Variants in CCL5 observed in about 807,000 individuals in gnomAD.
CCL5 encodes the protein C-C motif chemokine ligand 5.
A neutral mutation model predicts 9.0 loss-of-function variants in CCL5; 5 were observed. The ratio of observed to expected loss-of-function variants is 0.55; its 90% CI spans 0.29 to 1.16. The LOEUF is 1.16. Among genes scored for constraint, CCL5 ranks in the 50% most tolerant of loss-of-function variants. CCL5 has a pLI of 0.08. For synonymous variants in CCL5, 66 were observed against 72.0 expected (o/e 0.92, Z 0.42); for missense variants, 183 against 183.2 (o/e 1.00, Z 0.01).
chr17:35,872,612 G>T, intron 3 of CCL5, 148 bp from the exon 3 acceptor site: 1 of 663,388 alleles, frequency 1.5e-6, no homozygotes, highest in South Asian at 1.9e-5. Flanking sequence ...TTTATTTGTG[G>T]CTTTTAAGGA....
At chr17:35,872,834 T>C (rs902709217) in intron 3 of CCL5, among the ~76,000 whole-genome samples, 3 of 152,132 alleles carry the variant, frequency 2.0e-5, no homozygotes, top group African/African-American at 7.2e-5. Context: ...GCAGAGAGAA[T>C]AAGGTGTCCC....
chr17:35,875,872 G>GT (rs1568349114), intron 2 of CCL5, among the ~76,000 whole-genome samples: 1 of 152,012 alleles, frequency 6.6e-6, no homozygotes, highest in Non-Finnish European at 1.5e-5. Context: ...TCTTCTTTGC[G>GT]TTTTTTCCTA....
At chr17:35,878,689 C>T (rs777290731) in intron 1 of CCL5, 50 bp from the exon 2 acceptor site, 3 of 1,047,106 alleles carry the variant, frequency 2.9e-6, no homozygotes, top group Non-Finnish European at 4.4e-6. Context: ...TGCTACTGCA[C>T]ACTTGACATT....
chr17:35,880,292 G>A lies in CCL5; in HGVS notation c.14C>T (p.Ala5Val), dbSNP rs571565063. ...AATGAGGATGACAGCGAGGGCTGCCGCGGAGACCTTCATGGTACCTGTGGG... is the reference window on the plus strand; with the variant it reads ...AATGAGGATGACAGCGAGGGCTGCCACGGAGACCTTCATGGTACCTGTGGG... Residue 5 changes from alanine to valine, a missense_variant, in exon 1 of 4, where the codon GCG becomes GTG. Transcript: ENST00000651122. 28 of 1,612,550 alleles carry A rather than the reference G, an allele frequency of 1.7e-5. No homozygotes were observed. The highest frequency in any genetic ancestry group is 1.6e-4 in the Middle Eastern group (1 of 6,062).
intron 1 of CCL5, 131 bp downstream of exon 1, chr17:35,880,099 A>G (rs2088496291): frequency 1.7e-5 from 12 of 727,082 alleles, no homozygotes; most frequent in Non-Finnish European, 2.8e-5. Context: ...AAGAATGTAA[A>G]TAATGGGGTT....
chr17:35,875,262 G>C (rs1007873275), intron 3 of CCL5, among the ~76,000 whole-genome samples: 3 of 151,894 alleles, frequency 2.0e-5, no homozygotes, highest in Admixed American at 6.6e-5. Flanking sequence ...TTTAATTGTG[G>C]TAAAATATTC....
At chr17:35,875,453 ACCCC>A (rs2088430252) in intron 3 of CCL5, 4 of 317,094 alleles carry the variant, frequency 1.3e-5, no homozygotes, top group Admixed American at 1.3e-4. Context: ...TTTTTCTCCC[ACCCC>A]GGTGTGCAGA....
intron 2 of CCL5, among the ~76,000 whole-genome samples, chr17:35,877,169 C>A (rs912193761): frequency 6.6e-6 from 1 of 152,178 alleles, no homozygotes; most frequent in Non-Finnish European, 1.5e-5. Context: ...CAAAGTCTGT[C>A]TTTGAGTACC....
chr17:35,874,785 G>A (rs2088419946), intron 3 of CCL5, among the ~76,000 whole-genome samples: 1 of 151,982 alleles, frequency 6.6e-6, no homozygotes, highest in African/African-American at 2.4e-5. Context: ...TAATGTTTTT[G>A]TATTTTTAGT....
Position 35,878,515 on chromosome 17 carries a change from G to C in CCL5, c.188+13C>G, listed in dbSNP as rs772844224. 22 of 1,586,624 alleles carry C rather than the reference G, an allele frequency of 1.4e-5. No homozygotes were observed. The highest frequency in any genetic ancestry group is 1.9e-5 in the Non-Finnish European group (22 of 1,155,370). On this transcript the variant is annotated intron_variant, in intron 2 of 3. Coordinates refer to ENST00000651122, the MANE Select transcript of CCL5 (RefSeq NM_001278736.2). ...AACAGGCTCTGGGAGGGCTCCATGG[G>C]GCTGAGACTCACACGACTGCTGGGT...
chr17:35,872,559 T>C (rs1015132261), intron 3 of CCL5, 95 bp from the exon 3 acceptor site: 4 of 998,390 alleles, frequency 4.0e-6, no homozygotes, highest in Non-Finnish European at 6.4e-6. Context: ...AAAGGGAAAT[T>C]ATGATGATAT....
chr17:35,874,767 C>A (rs9912552), intron 3 of CCL5, among the ~76,000 whole-genome samples: 19,705 of 152,036 alleles, frequency 0.13, 1,425 homozygotes, highest in East Asian at 0.22. Context: ...TGCGCCACCA[C>A]GCCCAGCTAA....
chr17:35,875,990 A>G lies in CCL5; in HGVS notation c.189-348T>C, dbSNP rs41471045. On this transcript the variant is annotated intron_variant, in intron 2 of 3. Coordinates refer to ENST00000651122, the MANE Select transcript of CCL5 (RefSeq NM_001278736.2). ...ATTCATTCCTTAAGTTTCACCTGTT[A>G]TTTTTGTGTACGCAATAATGCATTT... is the stretch of plus-strand genomic sequence containing the variant. 2.0e-3 allele frequency among the ~76,000 whole-genome samples: 312 copies of G among 152,296 alleles called. 3 individuals carry two copies. The highest frequency in any genetic ancestry group is 2.9e-3 in the Non-Finnish European group (199 of 68,028).
Position 35,872,337 on chromosome 17 carries a change from A to G in CCL5, c.398T>C (p.Leu133Pro). ...AGCTAGGACAAGAGCAAGCAGAAAC[A>G]GGCAAATTTGTGTAAGTTCAGGTTC... The change falls in exon 4 of 4, where the codon CTG (leucine) becomes CCG (proline). Residue 133 changes from leucine to proline, a missense_variant. Physicochemically the swap from Leu to Pro is moderately conservative, Grantham distance 98. Coordinates refer to ENST00000651122, the MANE Select transcript of CCL5 (RefSeq NM_001278736.2). 1 of 1,611,032 alleles carries G rather than the reference A, an allele frequency of 6.2e-7. No homozygotes were observed.
At chr17:35,873,070 A>C (rs1410905480) in intron 3 of CCL5, among the ~76,000 whole-genome samples, 2 of 151,246 alleles carry the variant, frequency 1.3e-5, no homozygotes, top group Non-Finnish European at 2.9e-5. Context: ...TTGTATTTTT[A>C]GTAAAGATGG....
chr17:35,876,109 G>A (rs1480963719), intron 2 of CCL5, among the ~76,000 whole-genome samples: 1 of 152,124 alleles, frequency 6.6e-6, no homozygotes, highest in Non-Finnish European at 1.5e-5. Flanking sequence ...CCCAGTGGGG[G>A]AAGTACTTCT....
chr17:35,877,431 G>A lies in CCL5; in HGVS notation c.188+1097C>T, dbSNP rs28914804. ...CTCTTATATAAGAAACTTCAGAATT[G>A]CACCATTTTCATTTTTTAAGTCTCT... On this transcript the variant is annotated intron_variant, in intron 2 of 3. Transcript: ENST00000651122. 6.3e-3 allele frequency among the ~76,000 whole-genome samples: 963 copies of A among 152,258 alleles called. 13 individuals are homozygous for A. Among genetic ancestry groups the A allele is most frequent in the Admixed American group, 0.027 (416 of 15,298 alleles).
rs889756662 is a variant in CCL5, at chr17:35,871,543, G to C, written c.*727C>G. On this transcript the variant is annotated 3_prime_UTR_variant, in exon 4 of 4. Transcript: ENST00000651122. The stretch of plus-strand genomic sequence containing the variant: ...GTAAGCCGATTTTTCATGTTTGCCA[G>C]TAAGCTCCTGTGAGGGGTTGAGACG... 6.6e-6 allele frequency: 1 copy of C among 152,288 alleles called. No homozygotes were observed. The highest frequency in any genetic ancestry group is 2.4e-5 in the African/African-American group (1 of 41,450). 9.4% of individuals were successfully genotyped at this position (152,288 alleles called of 1,614,324 possible).
intron 2 of CCL5, among the ~76,000 whole-genome samples, chr17:35,878,004 G>A (rs1183897505): frequency 6.6e-6 from 1 of 152,114 alleles, no homozygotes; most frequent in Admixed American, 6.5e-5. Flanking sequence ...GGAGTCCTAG[G>A]CCAGGCACAG....
Sources: allele counts gnomAD v4.1 joint callset (sites outside exome capture counted in the v4.1 genomes callset), GRCh38; gene constraint gnomAD v4.1.1; transcripts MANE v1.5; gene names NCBI Gene and HGNC (gene_info 2026-07-23, HGNC 2026-07-21).